The following VWC2L variants were observed in gnomAD, a reference collection of about 807,000 sequenced individuals.
The protein encoded by VWC2L is von Willebrand factor C domain-containing protein 2-like.
VWC2L carries 10 observed loss-of-function variants against 21.6 expected under a neutral mutation model. The ratio of observed to expected loss-of-function variants is 0.46; its 90% confidence interval spans 0.29 to 0.78. The LOEUF (loss-of-function observed/expected upper bound fraction) is 0.78. VWC2L is among the 30% of genes least tolerant of loss of function. VWC2L has a pLI of 0.10. For synonymous variants in VWC2L, 96 were observed against 94.3 expected (o/e 1.02, Z -0.10); for missense variants, 209 against 277.1 (o/e 0.75, Z 1.74).
chr2:214,426,171 CAAAAA>C (rs34411661), intron 2 of VWC2L, among the ~76,000 whole-genome samples: 15,159 of 69,150 alleles, frequency 0.22, 570 homozygotes, highest in East Asian at 0.36. Flanking sequence ...GGCTTCGTCT[CAAAAA>C]AAAAAAAAAA....
intron 3 of VWC2L, among the ~76,000 whole-genome samples, chr2:214,530,458 C>T (rs1228937614): frequency 2.0e-5 from 3 of 152,132 alleles, no homozygotes; most frequent in South Asian, 2.1e-4. Flanking sequence ...GTAATGTTTG[C>T]CTGTGCTCTC....
At chr2:214,505,126 T>C (rs1185522884) in intron 3 of VWC2L, among the ~76,000 whole-genome samples, 2 of 152,194 alleles carry the variant, frequency 1.3e-5, no homozygotes, top group Non-Finnish European at 2.9e-5. Context: ...GTGTTCTCGT[T>C]TCCTATTTTG....
chr2:214,538,630 A>G (rs1055812690), intron 3 of VWC2L, among the ~76,000 whole-genome samples: 1 of 148,264 alleles, frequency 6.7e-6, no homozygotes, highest in African/African-American at 2.4e-5. Context: ...TTTAGTATAT[A>G]TTATTTAGTA....
intron 3 of VWC2L, among the ~76,000 whole-genome samples, chr2:214,541,656 G>A (rs1223305933): frequency 6.6e-6 from 1 of 152,076 alleles, no homozygotes; most frequent in East Asian, 1.9e-4. Context: ...AGGACCTTGG[G>A]CAATCACTCA....
At chr2:214,424,454 C>G (rs1702492465) in intron 2 of VWC2L, among the ~76,000 whole-genome samples, 5 of 152,086 alleles carry the variant, frequency 3.3e-5, no homozygotes. Flanking sequence ...TAAAGCCGGC[C>G]CTACCACTTA....
chr2:214,545,929 C>A (rs1425522835), intron 3 of VWC2L, among the ~76,000 whole-genome samples: 1 of 152,176 alleles, frequency 6.6e-6, no homozygotes, highest in Non-Finnish European at 1.5e-5. Flanking sequence ...CACATACATA[C>A]TAGAATACTA....
intron 3 of VWC2L, among the ~76,000 whole-genome samples, chr2:214,553,379 T>C (rs1689825155): frequency 6.6e-6 from 1 of 152,204 alleles, no homozygotes; most frequent in Admixed American, 6.5e-5. Flanking sequence ...CATAAGACGT[T>C]AATCAACACA....
chr2:214,528,643 C>T (rs982902410), intron 3 of VWC2L, among the ~76,000 whole-genome samples: 4 of 151,926 alleles, frequency 2.6e-5, no homozygotes, highest in African/African-American at 9.7e-5. Flanking sequence ...GAACCATTTG[C>T]CACGGGTAAC....
chr2:214,512,986 T>C (rs1689080493), intron 3 of VWC2L, among the ~76,000 whole-genome samples: 1 of 152,092 alleles, frequency 6.6e-6, no homozygotes, highest in Non-Finnish European at 1.5e-5. Flanking sequence ...TGAATGTTTA[T>C]AGCATCTACT....
At chr2:214,510,815 T>G (rs762632470) in intron 3 of VWC2L, among the ~76,000 whole-genome samples, 9 of 152,182 alleles carry the variant, frequency 5.9e-5, no homozygotes, top group Non-Finnish European at 1.3e-4. Flanking sequence ...GCTCATGTGG[T>G]AGACAGAATA....
At chr2:214,507,017 A>G (rs1030824239) in intron 3 of VWC2L, among the ~76,000 whole-genome samples, 2 of 152,112 alleles carry the variant, frequency 1.3e-5, no homozygotes, top group Non-Finnish European at 2.9e-5. Context: ...CTATTTAATT[A>G]TTACAAAATA....
intron 3 of VWC2L, among the ~76,000 whole-genome samples, chr2:214,491,429 AAG>A (rs1429647462): frequency 6.6e-6 from 1 of 152,204 alleles, no homozygotes; most frequent in East Asian, 1.9e-4. Context: ...ATGAGGGAAG[AAG>A]AGAGACTAAA....
At chr2:214,445,791 A>G (rs1285599822) in intron 3 of VWC2L, among the ~76,000 whole-genome samples, 1 of 152,066 alleles carries the variant, frequency 6.6e-6, no homozygotes, top group African/African-American at 2.4e-5. Context: ...TATAACCAAG[A>G]TGATATAATT....
At chr2:214,499,566 T>C (rs1023114836) in intron 3 of VWC2L, among the ~76,000 whole-genome samples, 12 of 151,338 alleles carry the variant, frequency 7.9e-5, no homozygotes, top group Admixed American at 7.2e-4. Flanking sequence ...GATGAGTTAA[T>C]GGGTGCAGCA....
intron 3 of VWC2L, among the ~76,000 whole-genome samples, chr2:214,468,338 T>C (rs1176200915): frequency 6.6e-6 from 1 of 151,744 alleles, no homozygotes; most frequent in Non-Finnish European, 1.5e-5. Context: ...TAATTTTACC[T>C]TTTATGTATA....
chr2:214,458,675 T>C (rs1163914623), intron 3 of VWC2L, among the ~76,000 whole-genome samples: 1 of 152,152 alleles, frequency 6.6e-6, no homozygotes, highest in African/African-American at 2.4e-5. Context: ...ATTTCTTCTT[T>C]TACCTAGTGG....
At chr2:214,566,648 T>C (rs1198907572) in intron 3 of VWC2L, among the ~76,000 whole-genome samples, 2 of 152,088 alleles carry the variant, frequency 1.3e-5, no homozygotes, top group Admixed American at 6.5e-5. Context: ...TAAAATCAGA[T>C]AGAGGCCCTC....
chr2:214,544,539 G>A (rs991326710), intron 3 of VWC2L, among the ~76,000 whole-genome samples: 3 of 152,052 alleles, frequency 2.0e-5, no homozygotes, highest in African/African-American at 4.8e-5. Context: ...TGGTACGCTT[G>A]TTACTCCCTG....
chr2:214,458,106 T>C (rs1409942660), intron 3 of VWC2L, among the ~76,000 whole-genome samples: 2 of 152,128 alleles, frequency 1.3e-5, no homozygotes, highest in Non-Finnish European at 2.9e-5. Context: ...AGACTTTTTA[T>C]AACTGATTCT....
Sources: allele counts gnomAD v4.1 joint callset (sites outside exome capture counted in the v4.1 genomes callset), GRCh38; gene constraint gnomAD v4.1.1; transcripts MANE v1.5; gene names NCBI Gene and HGNC (gene_info 2026-07-23, HGNC 2026-07-21).